Variants in ABCB5 observed in about 807,000 individuals in gnomAD.
The protein encoded by ABCB5 is ATP-binding cassette sub-family B member 5.
ABCB5 carries 155 observed loss-of-function variants against 144.2 expected under a neutral mutation model. The ratio of observed to expected loss-of-function variants is 1.08; its 90% CI spans 0.94 to 1.23. The LOEUF is 1.23. ABCB5 is among the 50% of genes most tolerant of loss of function. The pLI is 0.00. For synonymous variants in ABCB5, 610 were observed against 528.6 expected (o/e 1.15, Z -2.11); for missense variants, 1,830 against 1,520.8 (o/e 1.20, Z -3.38).
chr7:20,731,028 A>G (rs368203800), intron 23 of ABCB5, among the ~76,000 whole-genome samples: 51 of 151,440 alleles, frequency 3.4e-4, no homozygotes, highest in African/African-American at 1.2e-3. Context: ...CTCTGTCACT[A>G]CTCTTTCTTT....
chr7:20,695,649 A>G (rs1786386410), intron 16 of ABCB5, among the ~76,000 whole-genome samples: 1 of 151,982 alleles, frequency 6.6e-6, no homozygotes, highest in Non-Finnish European at 1.5e-5. Flanking sequence ...ACTAGGGGAA[A>G]ATGTTTGTAA....
At chr7:20,748,232 A>C (rs2128056823) in intron 26 of ABCB5, among the ~76,000 whole-genome samples, 1 of 152,232 alleles carries the variant, frequency 6.6e-6, no homozygotes, top group Middle Eastern at 3.4e-3. Flanking sequence ...AACCACCACA[A>C]CTGTGGATAA....
At chr7:20,687,134 C>T (rs1200837670) in intron 16 of ABCB5, among the ~76,000 whole-genome samples, 1 of 152,074 alleles carries the variant, frequency 6.6e-6, no homozygotes, top group Non-Finnish European at 1.5e-5. Flanking sequence ...AAAGTTTGTA[C>T]TGAGACACTA....
chr7:20,623,236 A>G (rs1783838143), intron 1 of ABCB5, 29 bp from the exon 2 acceptor site: 2 of 1,258,420 alleles, frequency 1.6e-6, no homozygotes, highest in Admixed American at 2.0e-5. Context: ...TCACATAGCC[A>G]TAATACATTT....
At chr7:20,682,622 C>T (rs1195566933) in intron 15 of ABCB5, among the ~76,000 whole-genome samples, 2 of 152,126 alleles carry the variant, frequency 1.3e-5, no homozygotes, top group African/African-American at 2.4e-5. Flanking sequence ...AGATCATGGA[C>T]GTTCTGAGAA....
In ABCB5 at chr7:20,738,967, C is replaced by G. The variant is rs1270276602; in HGVS notation, c.2868-16C>G. The stretch of plus-strand genomic sequence containing the variant: ...GATCGATGGACCTAAGATTCAAATG[C>G]TTTATCTTTTGATAGAGTTTTTACT... On this transcript the variant is annotated splice_polypyrimidine_tract_variant and intron_variant, in intron 23 of 27. Transcript: ENST00000404938. 12 of 1,573,372 alleles carry G rather than the reference C, an allele frequency of 7.6e-6. No individual in the cohort carries two copies. The Admixed American group carries it at 2.3e-4, about 30-fold the overall frequency.
At chr7:20,749,485 G>T (rs12533204) in intron 26 of ABCB5, among the ~76,000 whole-genome samples, 1 of 134,870 alleles carries the variant, frequency 7.4e-6, no homozygotes, top group Non-Finnish European at 1.5e-5. Context: ...TGATCCACCC[G>T]CCTCGGCTTC....
intron 25 of ABCB5, among the ~76,000 whole-genome samples, chr7:20,743,500 C>T (rs1380097931): frequency 2.0e-5 from 3 of 152,132 alleles, no homozygotes; most frequent in Non-Finnish European, 2.9e-5. Context: ...ACTTTATGCA[C>T]GGTTAAGGCT....
chr7:20,666,948 T>A (rs1785217483), intron 14 of ABCB5: 1 of 1,150,848 alleles, frequency 8.7e-7, no homozygotes, highest in Non-Finnish European at 1.2e-6. Context: ...TCTTCTGTGT[T>A]TTAAGTCTGA....
At chr7:20,636,857 T>C (rs2128020927) in intron 5 of ABCB5, among the ~76,000 whole-genome samples, 1 of 151,912 alleles carries the variant, frequency 6.6e-6, no homozygotes, top group East Asian at 1.9e-4. Context: ...TTATAACTAT[T>C]AATGTATTCA....
At chr7:20,632,909 C>T (rs1408539379) in intron 5 of ABCB5, among the ~76,000 whole-genome samples, 3 of 151,194 alleles carry the variant, frequency 2.0e-5, no homozygotes, top group South Asian at 4.2e-4. Flanking sequence ...ATACCTAATG[C>T]TAGATGACGA....
intron 20 of ABCB5, among the ~76,000 whole-genome samples, chr7:20,719,371 T>C (rs1487121886): frequency 6.6e-6 from 1 of 152,244 alleles, no homozygotes; most frequent in Non-Finnish European, 1.5e-5. Flanking sequence ...TATTTGAAGG[T>C]ATTTTAAAAA....
chr7:20,656,167 A>T (rs1465057276), intron 13 of ABCB5, among the ~76,000 whole-genome samples: 1 of 152,234 alleles, frequency 6.6e-6, no homozygotes, highest in African/African-American at 2.4e-5. Flanking sequence ...AAAATTGTAA[A>T]GCGTAAACTT....
At chr7:20,681,695 C>T (rs1425989707) in intron 15 of ABCB5, 29 bp downstream of exon 15, 2 of 1,604,154 alleles carry the variant, frequency 1.2e-6, no homozygotes, top group South Asian at 2.2e-5. Context: ...AATGCTATGT[C>T]AGCAGGGTTT....
chr7:20,668,512 G>A (rs1342667635), intron 14 of ABCB5, among the ~76,000 whole-genome samples: 1 of 151,744 alleles, frequency 6.6e-6, no homozygotes, highest in Admixed American at 6.6e-5. Flanking sequence ...GAAGTGAGGA[G>A]CCCCTCCGTC....
At chr7:20,716,214 G>T (rs1360087277) in intron 20 of ABCB5, among the ~76,000 whole-genome samples, 2 of 152,010 alleles carry the variant, frequency 1.3e-5, no homozygotes, top group East Asian at 3.9e-4. Context: ...AAAATCATTG[G>T]CTTCAAAATA....
At chr7:20,728,983 T>A (rs1782127639) in intron 23 of ABCB5, among the ~76,000 whole-genome samples, 1 of 152,212 alleles carries the variant, frequency 6.6e-6, no homozygotes, top group Non-Finnish European at 1.5e-5. Flanking sequence ...GTACACATGA[T>A]ATTTTGATAT....
chr7:20,725,642 G>T (rs184557769), intron 21 of ABCB5, among the ~76,000 whole-genome samples: 7 of 152,184 alleles, frequency 4.6e-5, no homozygotes, highest in Non-Finnish European at 5.9e-5. Context: ...TTTTCTAAGG[G>T]TCTGTAATAA....
Position 20,651,485 on chromosome 7 carries a change from G to A in ABCB5, c.1398G>A (p.Val466=), listed in dbSNP as rs560906981. ...GGCATTATCGAGACCATATTGGAGT[G>A]GTTAGTCAAGAGCCTGTTTTGTTCG... The part of the protein sequence containing the change: ...NVRHYRDHIG[V]VSQEPVLFGT... Residue 466 remains valine, a synonymous_variant, in exon 13 of 28, where the codon GTG becomes GTA. Transcript: ENST00000404938. The A allele has an allele frequency of 2.5e-6, 4 of 1,614,050 alleles. No homozygotes were observed. The African/African-American group carries it at 5.3e-5, about 22-fold the overall frequency.
Sources: gnomAD v4.1 joint callset for allele counts (sites outside exome capture counted in the v4.1 genomes callset) on GRCh38, gnomAD v4.1.1 for gene constraint, MANE v1.5 for transcripts, NCBI Gene and HGNC (gene_info 2026-07-23, HGNC 2026-07-21) for gene names.